Variants in SLC22A24 observed in about 807,000 individuals in gnomAD.
The protein encoded by SLC22A24 is solute carrier family 22 member 24.
In SLC22A24, 53 loss-of-function variants were observed where a neutral mutation model predicts 49.8. The ratio of observed to expected loss-of-function variants is 1.06; its 90% confidence interval spans 0.85 to 1.34. SLC22A24 has a LOEUF of 1.34. Among genes scored for constraint, SLC22A24 ranks in the 40% most tolerant of loss-of-function variants. The probability of loss-of-function intolerance (pLI) is 0.00; values close to 1 mark genes in which losing one functional copy is unlikely to be tolerated. For missense variants in SLC22A24, 786 were observed against 675.9 expected, an observed-to-expected ratio of 1.16 and a Z score of -1.81; for synonymous variants, 302 against 256.4, an observed-to-expected ratio of 1.18 and a Z score of -1.70.
chr11:63,132,406 C>T (rs2134679342), intron 2 of SLC22A24, among the ~76,000 whole-genome samples: 1 of 152,310 alleles, frequency 6.6e-6, no homozygotes. Context: ...GGTTTCTCCT[C>T]ATCTTTGTGG....
Position 63,113,079 on chromosome 11 carries a change from C to CATATATATATAT in SLC22A24, c.830+5832_830+5833insATATATATATAT, listed in dbSNP as rs1388675260. ...ACATATATATATATACATATATATA[C>CATATATATATAT]ACATATATATACATATATATATACA... On this transcript the variant is annotated intron_variant, in intron 4 of 9. Transcript: ENST00000612278. 1.9e-3 allele frequency among the ~76,000 whole-genome samples: 2 copies of CATATATATATAT among 1,054 alleles called. 1 individual carries two copies. The highest frequency in any genetic ancestry group is 0.016 in the Non-Finnish European group (2 of 122). The allele number at this position is 1,054 out of a possible 152,430, so 0.7% of individuals were successfully genotyped here.
chr11:63,108,019 A>G (rs923146265), intron 4 of SLC22A24, among the ~76,000 whole-genome samples: 1 of 152,110 alleles, frequency 6.6e-6, no homozygotes, highest in Non-Finnish European at 1.5e-5. Flanking sequence ...GCCAGTTTTC[A>G]AAGGGAATGC....
chr11:63,121,178 A>G (rs998019308), intron 2 of SLC22A24, among the ~76,000 whole-genome samples: 2 of 152,208 alleles, frequency 1.3e-5, no homozygotes, highest in Non-Finnish European at 2.9e-5. Context: ...TATCAATTGT[A>G]ATAAATGTAT....
intron 2 of SLC22A24, among the ~76,000 whole-genome samples, chr11:63,128,542 A>G (rs897160877): frequency 6.6e-6 from 1 of 152,142 alleles, no homozygotes; most frequent in Non-Finnish European, 1.5e-5. Context: ...TTCAGCGGTC[A>G]TGCTCCTGGT....
At chr11:63,104,363 G>A (rs2134651493) in intron 4 of SLC22A24, 65 bp from the exon 5 acceptor site, 2 of 1,455,118 alleles carry the variant, frequency 1.4e-6, no homozygotes, top group African/African-American at 1.4e-5. Context: ...CCTTTAACAT[G>A]AAATTCCTTT....
intron 2 of SLC22A24, among the ~76,000 whole-genome samples, chr11:63,130,529 G>T (rs1365643945): frequency 6.6e-6 from 1 of 152,112 alleles, no homozygotes; most frequent in Admixed American, 6.5e-5. Flanking sequence ...CTATTAATTG[G>T]AATAGTTTCA....
chr11:63,110,126 T>C (rs1045930519), intron 4 of SLC22A24, among the ~76,000 whole-genome samples: 12 of 151,588 alleles, frequency 7.9e-5, no homozygotes, highest in African/African-American at 2.4e-4. Flanking sequence ...ATTGCTTGTT[T>C]TTGTCAGGTT....
At position 63,079,980 on chromosome 11, in the gene SLC22A24, A is replaced by C; in HGVS notation, c.1619T>G (p.Ile540Arg). Residue 540 changes from isoleucine (I) to arginine (R), a missense_variant, in exon 10 of 10, where the codon ATA becomes AGA. Ile to Arg is a moderately conservative substitution (Grantham distance 97). Coordinates refer to ENST00000612278, the MANE Select transcript of SLC22A24 (RefSeq NM_001136506.2). Reference protein sequence around the residue: ...VENDRKDSRNIKQEDTCMKVT... With the variant: ...VENDRKDSRNRKQEDTCMKVT... ...TTTCATGCAAGTATCTTCCTGCTTT[A>C]TGTTTCTTGAATCTTTTCTGCTGAG... 1 of 1,545,080 alleles carries C rather than the reference A, an allele frequency of 6.5e-7. No homozygotes were observed. The highest frequency in any genetic ancestry group is 8.8e-7 in the Non-Finnish European group (1 of 1,141,090).
intron 2 of SLC22A24, among the ~76,000 whole-genome samples, chr11:63,119,575 G>A (rs561829126): frequency 3.4e-4 from 52 of 152,180 alleles, no homozygotes; most frequent in Admixed American, 3.3e-4. Context: ...GGACTCTTTC[G>A]CCATATGAAG....
intron 6 of SLC22A24, among the ~76,000 whole-genome samples, chr11:63,088,776 A>G (rs903235685): frequency 1.3e-5 from 2 of 152,056 alleles, no homozygotes; most frequent in Admixed American, 6.6e-5. Flanking sequence ...AACTTCATGA[A>G]GTACATACAA....
At chr11:63,101,451 T>A (rs1248761923) in intron 5 of SLC22A24, among the ~76,000 whole-genome samples, 1 of 152,040 alleles carries the variant, frequency 6.6e-6, no homozygotes, top group Non-Finnish European at 1.5e-5. Context: ...GTTAATTAAA[T>A]TAATGCTGAT....
At chr11:63,095,434 A>C (rs1164617798) in intron 6 of SLC22A24, among the ~76,000 whole-genome samples, 2 of 152,204 alleles carry the variant, frequency 1.3e-5, no homozygotes, top group South Asian at 4.1e-4. Context: ...AAAATGAATA[A>C]ATTTCACATA....
chr11:63,083,405 C>A lies in SLC22A24; in HGVS notation c.1123G>T (p.Gly375Trp), dbSNP rs1434203586. 3 of 1,551,424 alleles carry A rather than the reference C, an allele frequency of 1.9e-6. No homozygotes were observed. The South Asian group carries it at 3.6e-5, about 18-fold the overall frequency. ...ATCTGGAACAGGGAGACATTGCTCC[C>A]TAAGTGCTGCAAGTTGAGTATCAGG... The part of the protein sequence containing the change: ...YGLILNLQHL[G>W]SNVSLFQILC... The change falls in exon 7 of 10, where the codon GGG becomes TGG. Residue 375 changes from glycine to tryptophan, a missense_variant. Coordinates refer to ENST00000612278, the MANE Select transcript of SLC22A24 (RefSeq NM_001136506.2).
At chr11:63,125,278 G>C (rs1440009630) in intron 2 of SLC22A24, among the ~76,000 whole-genome samples, 2 of 151,972 alleles carry the variant, frequency 1.3e-5, no homozygotes, top group East Asian at 1.9e-4. Context: ...ATCTACATTA[G>C]GTATTTCTCC....
chr11:63,119,816 T>C (rs913977789), intron 2 of SLC22A24, among the ~76,000 whole-genome samples: 2 of 152,152 alleles, frequency 1.3e-5, no homozygotes, highest in Non-Finnish European at 2.9e-5. Flanking sequence ...TGCATAACAA[T>C]CACTCAGCTA....
At chr11:63,138,980 T>G (rs752079225) in intron 1 of SLC22A24, among the ~76,000 whole-genome samples, 1 of 152,190 alleles carries the variant, frequency 6.6e-6, no homozygotes, top group African/African-American at 2.4e-5. Context: ...TTTGGTAAAG[T>G]TTAGAAATAT....
At chr11:63,092,615 G>A (rs1411455879) in intron 6 of SLC22A24, among the ~76,000 whole-genome samples, 2 of 145,030 alleles carry the variant, frequency 1.4e-5, no homozygotes, top group Non-Finnish European at 3.0e-5. Flanking sequence ...TTTAATTAAT[G>A]TGCTGGGAAA....
chr11:63,144,213 G>A lies in SLC22A24; in HGVS notation c.-434C>T, dbSNP rs1590755295. 1 of 153,822 alleles carries A rather than the reference G, an allele frequency of 6.5e-6. No individual in the cohort carries two copies. The highest frequency in any genetic ancestry group is 2.4e-5 in the African/African-American group (1 of 41,526). The allele number at this position is 153,822 out of a possible 1,614,324, so 9.5% of individuals were successfully genotyped here. On this transcript the variant is annotated 5_prime_UTR_variant, in exon 1 of 10. Transcript: ENST00000612278. ...GAAATGGGATATTAGAAAATCCAAA[G>A]TGAATTGCTTTATGATGTTCTTGTA...
chr11:63,133,477 G>A (rs2087351407), intron 2 of SLC22A24, among the ~76,000 whole-genome samples: 1 of 152,076 alleles, frequency 6.6e-6, no homozygotes, highest in African/African-American at 2.4e-5. Flanking sequence ...TTTAAATAAA[G>A]ACTGTCAGAT....
Sources: allele counts gnomAD v4.1 joint callset (sites outside exome capture counted in the v4.1 genomes callset), GRCh38; gene constraint gnomAD v4.1.1; transcripts MANE v1.5; gene names NCBI Gene and HGNC (gene_info 2026-07-23, HGNC 2026-07-21).